ANXA4: variants seen among roughly 807,000 people sequenced by gnomAD.
The protein encoded by ANXA4 is annexin A4.
Under a neutral mutation model 49.8 loss-of-function variants are expected in ANXA4, and 39 were observed. The observed-to-expected ratio is 0.78, with a 90% CI of 0.61 to 1.02. The LOEUF is 1.02. Among genes scored for constraint, ANXA4 ranks in the 50% least tolerant of loss-of-function variants. ANXA4 has a pLI of 0.00. For missense variants in ANXA4, 360 were observed against 410.1 expected (o/e 0.88, Z 1.05); for synonymous variants, 134 against 152.5 (o/e 0.88, Z 0.89).
intron 3 of ANXA4, among the ~76,000 whole-genome samples, chr2:69,794,535 A>T (rs963782557): frequency 7.9e-6 from 1 of 126,368 alleles, no homozygotes; most frequent in African/African-American, 2.6e-5. Flanking sequence ...ATGTTATGTT[A>T]TGTTATGTTA....
chr2:69,773,401 G>A (rs1671813052), intron 1 of ANXA4, among the ~76,000 whole-genome samples: 1 of 152,112 alleles, frequency 6.6e-6, no homozygotes. Flanking sequence ...GCTCTGAAAA[G>A]CAGTATCTGC....
At chr2:69,729,819 A>C (rs1423471698) in intron 3 of ANXA4, among the ~76,000 whole-genome samples, 1 of 152,212 alleles carries the variant, frequency 6.6e-6, no homozygotes. Context: ...TTATAAAAAG[A>C]TGTTATAATT....
At chr2:69,811,859 C>G (rs568959150) in intron 7 of ANXA4, among the ~76,000 whole-genome samples, 1 of 152,164 alleles carries the variant, frequency 6.6e-6, no homozygotes, top group South Asian at 2.1e-4. Flanking sequence ...TTCTTTCCCA[C>G]TTTCTCTTTT....
intron 2 of ANXA4, among the ~76,000 whole-genome samples, chr2:69,668,173 T>C (rs1677013626): frequency 6.6e-6 from 1 of 152,240 alleles, no homozygotes; most frequent in Admixed American, 6.5e-5. Flanking sequence ...AAGTCCATGC[T>C]TATCTGTTTT....
chr2:69,647,324 T>G (rs1676042522), intron 1 of ANXA4, among the ~76,000 whole-genome samples: 1 of 152,102 alleles, frequency 6.6e-6, no homozygotes, highest in South Asian at 2.1e-4. Context: ...ACACTATGTA[T>G]CTTCCATATG....
At chr2:69,738,017 CAATG>C (rs942255478), upstream of ANXA4, among the ~76,000 whole-genome samples, 22 of 152,160 alleles carry the variant, frequency 1.4e-4, no homozygotes, top group African/African-American at 5.3e-4. Flanking sequence ...TTTAGATAAA[CAATG>C]AATAATTTTT....
chr2:69,649,115 A>C (rs1045161856), intron 1 of ANXA4, among the ~76,000 whole-genome samples: 1 of 151,760 alleles, frequency 6.6e-6, no homozygotes, highest in African/African-American at 2.4e-5. Flanking sequence ...CGAGCTCTCA[A>C]CCTCAGGTGA....
At chr2:69,656,240 C>A (rs1272198779) in intron 2 of ANXA4, among the ~76,000 whole-genome samples, 1 of 107,304 alleles carries the variant, frequency 9.3e-6, no homozygotes, top group African/African-American at 3.6e-5. Flanking sequence ...TATATATATA[C>A]GTATATATAT....
At chr2:69,658,454 C>T (rs1676589465) in intron 2 of ANXA4, among the ~76,000 whole-genome samples, 1 of 150,652 alleles carries the variant, frequency 6.6e-6, no homozygotes, top group African/African-American at 2.4e-5. Flanking sequence ...GACATTTATT[C>T]CCCAGCTGTT....
intron 1 of ANXA4, among the ~76,000 whole-genome samples, chr2:69,768,091 G>A (rs1044414119): frequency 6.6e-6 from 1 of 152,110 alleles, no homozygotes; most frequent in African/African-American, 2.4e-5. Flanking sequence ...TCTAAAGACA[G>A]GCAGACCTAT....
intron 3 of ANXA4, among the ~76,000 whole-genome samples, chr2:69,789,245 CTG>C (rs1187659845): frequency 6.6e-6 from 1 of 152,158 alleles, no homozygotes; most frequent in African/African-American, 2.4e-5. Flanking sequence ...AGATGTGAAA[CTG>C]AGACCCAGAG....
intron 1 of ANXA4, among the ~76,000 whole-genome samples, chr2:69,779,489 A>G (rs1672111362): frequency 6.6e-6 from 1 of 152,026 alleles, no homozygotes; most frequent in African/African-American, 2.4e-5. Flanking sequence ...GACATCCCCC[A>G]TATATCATAT....
intron 1 of ANXA4, among the ~76,000 whole-genome samples, chr2:69,652,197 G>A (rs946010891): frequency 2.6e-5 from 4 of 151,798 alleles, no homozygotes; most frequent in African/African-American, 9.7e-5. Flanking sequence ...GTAGAGACAG[G>A]GTTTTGCCAT....
intron 8 of ANXA4, among the ~76,000 whole-genome samples, chr2:69,814,234 A>G (rs756275936): frequency 9.2e-5 from 14 of 152,094 alleles, no homozygotes; most frequent in Non-Finnish European, 1.6e-4. Flanking sequence ...GGGTTTCAAG[A>G]AGGAGCACCC....
chr2:69,704,292 A>T (rs1662156270), intron 2 of ANXA4, among the ~76,000 whole-genome samples: 1 of 152,196 alleles, frequency 6.6e-6, no homozygotes, highest in African/African-American at 2.4e-5. Flanking sequence ...TTTTCTAACG[A>T]GCCATTTTGT....
At chr2:69,816,345 G>A in intron 9 of ANXA4, 151 bp downstream of exon 9, 1 of 587,054 alleles carries the variant, frequency 1.7e-6, no homozygotes, top group South Asian at 2.3e-5. Context: ...AAATGTATTA[G>A]TCCAATGATG....
chr2:69,746,160 C>T (rs774455724), intron 1 of ANXA4, among the ~76,000 whole-genome samples: 1 of 151,986 alleles, frequency 6.6e-6, no homozygotes, highest in Admixed American at 6.5e-5. Flanking sequence ...TACAGGCACA[C>T]GCCACCATGC....
chr2:69,751,694 G>T (rs773212693), intron 1 of ANXA4, among the ~76,000 whole-genome samples: 3 of 152,046 alleles, frequency 2.0e-5, no homozygotes, highest in Non-Finnish European at 4.4e-5. Context: ...CAGGTGAGGA[G>T]TGGAGAGCAG....
intron 3 of ANXA4, among the ~76,000 whole-genome samples, chr2:69,735,323 C>T (rs1341951142): frequency 1.3e-5 from 2 of 152,158 alleles, no homozygotes; most frequent in Non-Finnish European, 2.9e-5. Context: ...TGTGCAACCT[C>T]CTTGGACCCC....
Sources: gnomAD v4.1 joint callset for allele counts (sites outside exome capture counted in the v4.1 genomes callset) on GRCh38, gnomAD v4.1.1 for gene constraint, MANE v1.5 for transcripts, NCBI Gene and HGNC (gene_info 2026-07-23, HGNC 2026-07-21) for gene names.